Variants in RIPOR1 observed in about 807,000 individuals in gnomAD.
RIPOR1 encodes the protein rho family-interacting cell polarization regulator 1.
A neutral mutation model predicts 116.5 loss-of-function variants in RIPOR1; 58 were observed. The observed-to-expected ratio is 0.50, with a 90% confidence interval of 0.40 to 0.62. The LOEUF (loss-of-function observed/expected upper bound fraction) is 0.62. RIPOR1 is among the 20% of genes least tolerant of loss of function. The pLI, the probability that RIPOR1 is intolerant of heterozygous loss-of-function variation, is 0.00. For missense variants in RIPOR1, 1,372 were observed against 1,586.2 expected (o/e 0.86, Z 2.29); for synonymous variants, 605 against 650.0 (o/e 0.93, Z 1.05).
In RIPOR1 at chr16:67,531,717, C is replaced by T. The variant is rs1170205414; in HGVS notation, c.-24+2803C>T. 4.8e-6 allele frequency: 2 copies of T among 416,472 alleles called. No individual in the cohort carries two copies. Among genetic ancestry groups the T allele is most frequent in the East Asian group, 1.5e-4 (2 of 13,502 alleles). The allele number at this position is 416,472 out of a possible 1,614,324, so 25.8% of individuals were successfully genotyped here. ...GGTTGAAAGAATGTGAGGGACAGGA[C>T]AAATCCTGAAGGGCCTACGTGGGTC... is the stretch of plus-strand genomic sequence containing the variant. On this transcript the variant is annotated intron_variant, in intron 1 of 21. Transcript: ENST00000042381. The surrounding 1 kb of genome is among the most constrained non-coding windows in gnomAD (Gnocchi z 4.2).
chr16:67,526,283 G>A (rs1431617314), upstream of RIPOR1, among the ~76,000 whole-genome samples: 1 of 152,308 alleles, frequency 6.6e-6, no homozygotes, highest in African/African-American at 2.4e-5. Context: ...GCCAGAGGGT[G>A]GAGGCTGCAT....
chr16:67,538,723 C>T lies in RIPOR1; in HGVS notation c.156C>T (p.Leu52=). 1 of 1,613,436 alleles carries T rather than the reference C, an allele frequency of 6.2e-7. No individual in the cohort carries two copies. Among genetic ancestry groups the T allele is most frequent in the Non-Finnish European group, 8.5e-7 (1 of 1,179,958 alleles). The part of the protein sequence containing the change: ...PPGPPRKPPA[L]SRVSRMFSVA... ...GGCCCCCACGGAAGCCCCCCGCGCT[C>T]TCCCGAGTGTCCAGGATGTTTTCCG... The change falls in exon 3 of 22, where the codon CTC becomes CTT. Residue 52 remains leucine, a synonymous_variant. Transcript: ENST00000042381.
At position 67,545,494 on chromosome 16, in the gene RIPOR1, C is replaced by T; in HGVS notation, c.3150C>T (p.Ser1050=). ...GGAGTTTTGTGGAAACCTTGGACAG[C>T]CCCACCATGGAGGCCTACGTGACTG... The part of the protein sequence containing the change: ...QFWSFVETLD[S]PTMEAYVTET... The change falls in exon 18 of 22, where the codon AGC becomes AGT. Residue 1050 remains serine (S), a synonymous_variant. Transcript: ENST00000042381. This position sits in a 1 kb window ranked among gnomAD's most constrained non-coding sequence, Gnocchi z 4.8. The T allele has an allele frequency of 6.2e-7, 1 of 1,614,052 alleles. No individual in the cohort carries two copies. Among genetic ancestry groups the T allele is most frequent in the South Asian group, 1.1e-5 (1 of 91,086 alleles).
chr16:67,523,604 T>C (rs1226630205), intron 1 of RIPOR1, among the ~76,000 whole-genome samples: 1 of 151,400 alleles, frequency 6.6e-6, no homozygotes, highest in Non-Finnish European at 1.5e-5. Flanking sequence ...GCTATTTCTT[T>C]GGGGTAAATT....
intron 1 of RIPOR1, among the ~76,000 whole-genome samples, chr16:67,535,934 C>G (rs2050781939): frequency 6.6e-6 from 1 of 152,042 alleles, no homozygotes; most frequent in Non-Finnish European, 1.5e-5. Flanking sequence ...GTCCCTGGAC[C>G]TCTTGCATCT....
At position 67,544,627 on chromosome 16, in the gene RIPOR1, G is replaced by A; in HGVS notation, c.2734-68G>A. 2 of 1,601,060 alleles carry A rather than the reference G, an allele frequency of 1.2e-6. No individual in the cohort carries two copies. The highest frequency in any genetic ancestry group is 2.1e-4 in the Middle Eastern group (1 of 4,722). ...CCTCCCCCAGTGCATGCTGGGACTTGTCCCTGAGCACGATCCTCCCGAGCC... is the reference window on the plus strand; with the variant it reads ...CCTCCCCCAGTGCATGCTGGGACTTATCCCTGAGCACGATCCTCCCGAGCC... On this transcript the variant is annotated intron_variant, in intron 15 of 21. Transcript: ENST00000042381. This position sits in a 1 kb window ranked among gnomAD's most constrained non-coding sequence, Gnocchi z 5.1.
Position 67,542,430 on chromosome 16 carries a change from T to C in RIPOR1, c.1644T>C (p.Thr548=). 2 of 1,613,750 alleles carry C rather than the reference T, an allele frequency of 1.2e-6. No individual in the cohort carries two copies. Among genetic ancestry groups the C allele is most frequent in the Non-Finnish European group, 1.7e-6 (2 of 1,179,890 alleles). ...PSELPGPTHT[T]TGSTYSAITT... ...AACTGCCAGGCCCCACTCACACCAC[T>C]ACAGGCTCTACCTATAGTGCCATTA... is the stretch of plus-strand genomic sequence containing the variant. Residue 548 remains threonine, a synonymous_variant, in exon 13 of 22, where the codon ACT becomes ACC. Transcript: ENST00000042381. The surrounding 1 kb of genome is among the most constrained non-coding windows in gnomAD (Gnocchi z 4.6).
At chr16:67,528,081 T>G (rs2050562073), upstream of RIPOR1, among the ~76,000 whole-genome samples, 2 of 151,786 alleles carry the variant, frequency 1.3e-5, no homozygotes, top group South Asian at 4.2e-4. Context: ...GTCTGATTGA[T>G]GGGAGGAGCG....
In RIPOR1 at chr16:67,545,321, C is replaced by T; in HGVS notation, c.3032-55C>T. ...GAGCCTGGGATAGGAGCATCTCTCC[C>T]CTCTAAAAGCTGTGTTCACCCAAAC... On this transcript the variant is annotated intron_variant, in intron 17 of 21. Coordinates refer to ENST00000042381, the MANE Select transcript of RIPOR1 (RefSeq NM_024519.4). This position sits in a 1 kb window ranked among gnomAD's most constrained non-coding sequence, Gnocchi z 4.8. 2.5e-6 allele frequency: 4 copies of T among 1,585,896 alleles called. No individual in the cohort carries two copies. The highest frequency in any genetic ancestry group is 2.6e-6 in the Non-Finnish European group (3 of 1,164,028).
chr16:67,540,973 C>T lies in RIPOR1; in HGVS notation c.801+269C>T, dbSNP rs1425354517. 6.6e-6 allele frequency among the ~76,000 whole-genome samples: 1 copy of T among 152,164 alleles called. No individual in the cohort carries two copies. Among genetic ancestry groups the T allele is most frequent in the Non-Finnish European group, 1.5e-5 (1 of 68,020 alleles). On this transcript the variant is annotated intron_variant, in intron 10 of 21. Transcript: ENST00000042381. The surrounding 1 kb of genome is among the most constrained non-coding windows in gnomAD (Gnocchi z 4.7). ...CTAAGCTCCCATGAGGCTGTGACCT[C>T]TATGACCTCAGTGACCCTACCATGC...
At chr16:67,533,903 G>A (rs946032096) in intron 1 of RIPOR1, among the ~76,000 whole-genome samples, 2 of 150,520 alleles carry the variant, frequency 1.3e-5, no homozygotes, top group Non-Finnish European at 2.9e-5. Flanking sequence ...CACCTCCCGG[G>A]TTCAAGCGAT....
Position 67,544,377 on chromosome 16 carries a change from A to C in RIPOR1, c.2679A>C (p.Pro893=). ...PSARPLSTGC[P]ALDAALVRHL... Reference sequence around the variant, plus strand: ...CCCGCCCCCTCAGCACGGGGTGTCCAGCTCTGGATGCTGCCTTGGTCCGGC... The same window carrying C: ...CCCGCCCCCTCAGCACGGGGTGTCCCGCTCTGGATGCTGCCTTGGTCCGGC... The change falls in exon 15 of 22, where the codon CCA becomes CCC. Residue 893 remains proline (P), a synonymous_variant. Transcript: ENST00000042381. The surrounding 1 kb of genome is among the most constrained non-coding windows in gnomAD (Gnocchi z 5.1). 1 of 1,613,198 alleles carries C rather than the reference A, an allele frequency of 6.2e-7. No individual in the cohort carries two copies. Among genetic ancestry groups the C allele is most frequent in the South Asian group, 1.1e-5 (1 of 91,080 alleles).
chr16:67,545,187 T>C lies in RIPOR1; in HGVS notation c.3031+70T>C. The C allele has an allele frequency of 1.3e-6, 2 of 1,587,350 alleles. No homozygotes were observed. On this transcript the variant is annotated intron_variant, in intron 17 of 21. Coordinates refer to ENST00000042381, the MANE Select transcript of RIPOR1 (RefSeq NM_024519.4). This position sits in a 1 kb window ranked among gnomAD's most constrained non-coding sequence, Gnocchi z 4.8. Reference sequence around the variant, plus strand: ...TGACAGGAAGCTCGGGGAAGCCAGGTCAGCCCACACAGATAAACGAACTGG... The same window carrying C: ...TGACAGGAAGCTCGGGGAAGCCAGGCCAGCCCACACAGATAAACGAACTGG...
chr16:67,544,531 ACCCCAGTG>A lies in RIPOR1; in HGVS notation c.2733+107_2733+114del. 3.3e-6 allele frequency: 5 copies of A among 1,534,726 alleles called. No homozygotes were observed. The highest frequency in any genetic ancestry group is 4.4e-6 in the Non-Finnish European group (5 of 1,134,022). On this transcript the variant is annotated intron_variant, in intron 15 of 21. Coordinates refer to ENST00000042381, the MANE Select transcript of RIPOR1 (RefSeq NM_024519.4). This position sits in a 1 kb window ranked among gnomAD's most constrained non-coding sequence, Gnocchi z 5.1. The stretch of plus-strand genomic sequence containing the variant: ...CCTCTATACCTCCTCTGAGTGCCAC[ACCCCAGTG>A]CCCCAGGGCCCTTGGCATCTGGCCC...
Position 67,537,440 on chromosome 16 carries a change from G to C in RIPOR1, c.-23-984G>C. On this transcript the variant is annotated intron_variant, in intron 1 of 21. Coordinates refer to ENST00000042381, the MANE Select transcript of RIPOR1 (RefSeq NM_024519.4). This position sits in a 1 kb window ranked among gnomAD's most constrained non-coding sequence, Gnocchi z 4.6. ...TGAGTCAGGCGGCAGGAACTGGGCG[G>C]GGGGCGGCGCCGGGAGGAGCCGAAG... is the stretch of plus-strand genomic sequence containing the variant. The C allele has an allele frequency of 8.0e-7, 1 of 1,242,910 alleles. No individual in the cohort carries two copies. Among genetic ancestry groups the C allele is most frequent in the Non-Finnish European group, 1.0e-6 (1 of 992,708 alleles). 77.0% of individuals were successfully genotyped at this position (1,242,910 alleles called of 1,614,324 possible).
At chr16:67,525,840 G>A (rs1468972438), upstream of RIPOR1, among the ~76,000 whole-genome samples, 1 of 152,184 alleles carries the variant, frequency 6.6e-6, no homozygotes, top group Non-Finnish European at 1.5e-5. Flanking sequence ...CCAAGTTGGA[G>A]CTCAGAGTCT....
chr16:67,525,481 G>T (rs1463176914), upstream of RIPOR1, among the ~76,000 whole-genome samples: 2 of 152,106 alleles, frequency 1.3e-5, no homozygotes, highest in Non-Finnish European at 2.9e-5. Context: ...GGGGGTGGGG[G>T]TTGCATGGCA....
intron 1 of RIPOR1, among the ~76,000 whole-genome samples, chr16:67,535,091 C>T (rs1317772349): frequency 1.3e-5 from 2 of 152,132 alleles, no homozygotes; most frequent in Non-Finnish European, 2.9e-5. Context: ...GATCCACCCA[C>T]CTCTGCCTCC....
chr16:67,523,352 CCT>C (rs1244229968), intron 1 of RIPOR1, among the ~76,000 whole-genome samples: 2 of 151,730 alleles, frequency 1.3e-5, no homozygotes, highest in Non-Finnish European at 2.9e-5. Flanking sequence ...ATGGTGAAAC[CCT>C]GTCTCTACTA....
Sources: allele counts gnomAD v4.1 joint callset (sites outside exome capture counted in the v4.1 genomes callset), GRCh38; gene constraint gnomAD v4.1.1; non-coding constraint Gnocchi (gnomAD v3.1); transcripts MANE v1.5; gene names NCBI Gene and HGNC (gene_info 2026-07-23, HGNC 2026-07-21).